The following UBAC1 variants were observed in gnomAD, a reference collection of about 807,000 sequenced individuals.
UBAC1 encodes ubiquitin-associated domain-containing protein 1.
In UBAC1, 27 loss-of-function variants were observed where a neutral mutation model predicts 45.9. That is an observed-to-expected ratio of 0.59 (90% confidence interval 0.43 to 0.81). The LOEUF (loss-of-function observed/expected upper bound fraction) is 0.81. Among genes scored for constraint, UBAC1 ranks in the 30% least tolerant of loss-of-function variants. The probability of loss-of-function intolerance (pLI) is 0.00; values close to 1 mark genes in which losing one functional copy is unlikely to be tolerated. For missense variants in UBAC1, 529 were observed against 539.2 expected (o/e 0.98, Z 0.19); for synonymous variants, 227 against 215.5 (o/e 1.05, Z -0.47).
At position 135,933,023 on chromosome 9, in the gene UBAC1, G is replaced by C. The variant is rs1364159310; in HGVS notation, c.*377C>G. On this transcript the variant is annotated 3_prime_UTR_variant, in exon 10 of 10. Transcript: ENST00000371756. ...CATCTGTGAGTGACTAGTTAAATTA[G>C]CATGCTTGACATTAACTCTGGGTTG... is the stretch of plus-strand genomic sequence containing the variant. The C allele has an allele frequency of 5.8e-6, 1 of 171,344 alleles. No individual in the cohort carries two copies. The highest frequency in any genetic ancestry group is 1.2e-5 in the Non-Finnish European group (1 of 80,664). 10.6% of individuals were successfully genotyped at this position (171,344 alleles called of 1,614,324 possible).
intron 6 of UBAC1, 76 bp downstream of exon 6, chr9:135,945,813 G>T: frequency 8.5e-7 from 1 of 1,183,164 alleles, no homozygotes; most frequent in Non-Finnish European, 1.2e-6. Flanking sequence ...GTAGGAGGAC[G>T]TCACCCACGG....
intron 1 of UBAC1, among the ~76,000 whole-genome samples, chr9:135,957,444 C>CA (rs1028732998): frequency 2.6e-5 from 4 of 152,082 alleles, no homozygotes; most frequent in African/African-American, 9.7e-5. Context: ...TACTGATTCC[C>CA]AAAAAACCCA....
At chr9:135,946,442 CCT>C in intron 4 of UBAC1, 71 bp from the exon 5 acceptor site, 4 of 982,624 alleles carry the variant, frequency 4.1e-6, no homozygotes, top group East Asian at 2.4e-5. Context: ...GACTTGCTCC[CCT>C]GTCCTAGAAC....
At chr9:135,958,846 G>T (rs1007284982) in intron 1 of UBAC1, among the ~76,000 whole-genome samples, 1 of 152,166 alleles carries the variant, frequency 6.6e-6, no homozygotes, top group Non-Finnish European at 1.5e-5. Context: ...AATGTATGTC[G>T]GCTCTTGCGG....
intron 1 of UBAC1, among the ~76,000 whole-genome samples, chr9:135,958,988 T>C (rs909305050): frequency 5.3e-5 from 8 of 152,150 alleles, no homozygotes; most frequent in African/African-American, 1.9e-4. Context: ...GAATAATATA[T>C]ATCAGGAGTA....
chr9:135,944,398 A>G (rs1184955384), intron 7 of UBAC1, among the ~76,000 whole-genome samples: 1 of 152,250 alleles, frequency 6.6e-6, no homozygotes, highest in Non-Finnish European at 1.5e-5. Flanking sequence ...ACGAGACGAC[A>G]GCATGCAGAT....
rs116225985 is a variant in UBAC1, at chr9:135,943,734, G to A, written c.876+1294C>T. On this transcript the variant is annotated intron_variant, in intron 7 of 9. Coordinates refer to ENST00000371756, the MANE Select transcript of UBAC1 (RefSeq NM_016172.3). ...ATGCCCACGGATAAGAAAAGAAACC[G>A]GATAGACTGAATAAAGAAAATGTGG... Among the ~76,000 whole-genome samples, 1,171 of 152,124 alleles carry A rather than the reference G, an allele frequency of 7.7e-3. 16 individuals carry two copies. The highest frequency in any genetic ancestry group is 0.026 in the African/African-American group (1,099 of 41,502).
chr9:135,939,950 C>A (rs1307180207), intron 7 of UBAC1, among the ~76,000 whole-genome samples, 191 bp from the exon 8 acceptor site: 4 of 152,196 alleles, frequency 2.6e-5, no homozygotes, highest in Non-Finnish European at 2.9e-5. Context: ...ATCCTAAAGC[C>A]GAGGAAGTGC....
At chr9:135,948,553 C>A (rs926393159) in intron 3 of UBAC1, among the ~76,000 whole-genome samples, 3 of 152,258 alleles carry the variant, frequency 2.0e-5, no homozygotes, top group Non-Finnish European at 4.4e-5. Context: ...TGCTCCCCTG[C>A]CATCCAGTCC....
chr9:135,943,706 C>T (rs1024715626), intron 7 of UBAC1, among the ~76,000 whole-genome samples: 4 of 152,150 alleles, frequency 2.6e-5, no homozygotes, highest in Non-Finnish European at 5.9e-5. Flanking sequence ...AGAATCAACT[C>T]AAATGCCCAC....
rs1324568005 is a variant in UBAC1 at position 135,945,899 on chromosome 9, G to C, written c.643C>G (p.Gln215Glu). ...FPENRATKAL[Q>E]LNHMSVPQAM... is the part of the protein sequence containing the mutation. ...TGGCCCCCCACGCACTGGTTCAGCT[G>C]AAGGGCCTTGGTGGCTCTGTTCTCC... Residue 215 changes from glutamine (Q) to glutamate (E), a missense_variant, in exon 6 of 10, where the codon CAG (glutamine) becomes GAG (glutamate). Coordinates refer to ENST00000371756, the MANE Select transcript of UBAC1 (RefSeq NM_016172.3). 1 of 1,614,048 alleles carries C rather than the reference G, an allele frequency of 6.2e-7. No individual in the cohort carries two copies. Among genetic ancestry groups the C allele is most frequent in the Non-Finnish European group, 8.5e-7 (1 of 1,180,006 alleles).
At chr9:135,951,960 C>T (rs1250964913) in intron 3 of UBAC1, among the ~76,000 whole-genome samples, 1 of 152,234 alleles carries the variant, frequency 6.6e-6, no homozygotes, top group East Asian at 1.9e-4. Flanking sequence ...GGCTGTGGGG[C>T]AACGGGTGTA....
In UBAC1 at chr9:135,959,402, G is replaced by T. The variant is rs187190850; in HGVS notation, c.138+1623C>A. ...TTTTTTTTTTTTTTTTTGAGACGGA[G>T]TCTTGCTCTGTCGCCAGGCTGGAGT... On this transcript the variant is annotated intron_variant, in intron 1 of 9. Transcript: ENST00000371756. 2.3e-4 allele frequency among the ~76,000 whole-genome samples: 30 copies of T among 130,684 alleles called. No homozygotes were observed. The East Asian group carries it at 4.8e-3, about 21-fold the overall frequency. 85.7% of individuals were successfully genotyped at this position (130,684 alleles called of 152,430 possible). A position where few individuals can be genotyped will look rare whatever the true frequency, so the allele number is the denominator to read the frequency against.
intron 3 of UBAC1, among the ~76,000 whole-genome samples, chr9:135,950,139 G>A (rs892837104): frequency 1.2e-4 from 19 of 152,192 alleles, no homozygotes; most frequent in African/African-American, 4.3e-4. Context: ...ACAGCCCTCC[G>A]GCACCCTGAT....
At chr9:135,945,378 A>C in intron 6 of UBAC1, 128 bp from the exon 7 acceptor site, 5 of 797,612 alleles carry the variant, frequency 6.3e-6, no homozygotes, top group Non-Finnish European at 9.4e-6. Context: ...GACCCTTATA[A>C]CAAGAACCTG....
Position 135,933,159 on chromosome 9 carries a change from A to G in UBAC1, c.*241T>C. The G allele has an allele frequency of 2.0e-6, 1 of 498,416 alleles. No individual in the cohort carries two copies. The highest frequency in any genetic ancestry group is 3.6e-6 in the Non-Finnish European group (1 of 276,956). 30.9% of individuals were successfully genotyped at this position (498,416 alleles called of 1,614,324 possible). The stretch of plus-strand genomic sequence containing the variant: ...GCACTGGAGACGAGGCCATCACTCC[A>G]CTTCCCAGTGCGACAACCACTTTTT... On this transcript the variant is annotated 3_prime_UTR_variant, in exon 10 of 10. Transcript: ENST00000371756.
At chr9:135,938,876 A>T (rs1469385743) in intron 8 of UBAC1, among the ~76,000 whole-genome samples, 1 of 152,242 alleles carries the variant, frequency 6.6e-6, no homozygotes, top group Non-Finnish European at 1.5e-5. Flanking sequence ...CCCAGCTGGC[A>T]CACGGGCACA....
At chr9:135,956,543 A>G (rs998641625) in intron 1 of UBAC1, among the ~76,000 whole-genome samples, 1 of 151,818 alleles carries the variant, frequency 6.6e-6, no homozygotes, top group Admixed American at 6.6e-5. Context: ...CCACGACTCC[A>G]CTCTATTATC....
At chr9:135,948,023 G>A (rs1839359067) in intron 3 of UBAC1, 118 bp from the exon 4 acceptor site, 2 of 913,262 alleles carry the variant, frequency 2.2e-6, no homozygotes, top group African/African-American at 1.7e-5. Flanking sequence ...GGAGCCAGAG[G>A]TGTAAACTCC....
Sources: allele counts gnomAD v4.1 joint callset (sites outside exome capture counted in the v4.1 genomes callset), GRCh38; gene constraint gnomAD v4.1.1; transcripts MANE v1.5; gene names NCBI Gene and HGNC (gene_info 2026-07-23, HGNC 2026-07-21).